Variants in STK24 observed in about 807,000 individuals in gnomAD.
STK24 encodes serine/threonine kinase 24.
A neutral mutation model predicts 55.6 loss-of-function variants in STK24; 21 were observed. The observed-to-expected ratio is 0.38, with a 90% CI of 0.27 to 0.54. The LOEUF is 0.54. Among genes scored for constraint, STK24 ranks in the 20% least tolerant of loss-of-function variants. STK24 has a pLI of 0.79. For missense variants in STK24, 383 were observed against 538.4 expected, an observed-to-expected ratio of 0.71 and a Z score of 2.86; for synonymous variants, 200 against 215.2, an observed-to-expected ratio of 0.93 and a Z score of 0.62.
At chr13:98,555,248 C>T (rs1897257590) in intron 1 of STK24, among the ~76,000 whole-genome samples, 1 of 152,104 alleles carries the variant, frequency 6.6e-6, no homozygotes, top group South Asian at 2.1e-4. Flanking sequence ...CCCTGCCTTC[C>T]AGGCAGCACA....
intron 1 of STK24, among the ~76,000 whole-genome samples, chr13:98,562,574 C>A (rs893565865): frequency 2.0e-5 from 3 of 152,164 alleles, no homozygotes; most frequent in Non-Finnish European, 4.4e-5. Context: ...ATTAAGAAAT[C>A]ATCTATGCAA....
At chr13:98,482,549 C>T (rs1894635618) in intron 2 of STK24, among the ~76,000 whole-genome samples, 1 of 152,176 alleles carries the variant, frequency 6.6e-6, no homozygotes, top group Admixed American at 6.5e-5. Context: ...GGGGCCCGCA[C>T]CTGACTCCCC....
intron 1 of STK24, among the ~76,000 whole-genome samples, chr13:98,565,111 T>C (rs374331707): frequency 2.6e-5 from 4 of 152,320 alleles, no homozygotes. Flanking sequence ...AAGGCTACTG[T>C]GTGCTTCACT....
At chr13:98,468,380 A>C (rs190154156) in intron 5 of STK24, among the ~76,000 whole-genome samples, 1 of 152,358 alleles carries the variant, frequency 6.6e-6, no homozygotes, top group African/African-American at 2.4e-5. Flanking sequence ...ATTATCTTAA[A>C]AATCAGCAGA....
In STK24 at chr13:98,466,542, C is replaced by G; in HGVS notation, c.617G>C (p.Gly206Ala). 2 of 1,613,932 alleles carry G rather than the reference C, an allele frequency of 1.2e-6. No individual in the cohort carries two copies. Among genetic ancestry groups the G allele is most frequent in the Non-Finnish European group, 1.7e-6 (2 of 1,180,026 alleles). The change falls in exon 6 of 11, where the codon GGC becomes GCC. Residue 206 changes from glycine (G) to alanine (A), a missense_variant. Physicochemically the swap from Gly to Ala is moderately conservative, Grantham distance 60. Transcript: ENST00000539966. ...TCTTGCAAGTTCAATAGCTGTTATG[C>G]CCAGGGACCAGATGTCTGCCTGCAA... ...YDSKADIWSL[G>A]ITAIELARGE... is the part of the protein sequence containing the mutation.
intron 2 of STK24, among the ~76,000 whole-genome samples, chr13:98,493,293 A>T (rs545895876): frequency 6.6e-6 from 1 of 152,234 alleles, no homozygotes; most frequent in African/African-American, 2.4e-5. Context: ...CAAACTTGAC[A>T]CATTAAATCT....
intron 1 of STK24, among the ~76,000 whole-genome samples, chr13:98,560,838 GCCACTGCACT>G (rs1166919887): frequency 6.6e-6 from 1 of 150,802 alleles, no homozygotes; most frequent in African/African-American, 2.4e-5. Flanking sequence ...CCGAGATCAC[GCCACTGCACT>G]CCACTCCACT....
At chr13:98,568,677 C>T (rs2139462942) in intron 1 of STK24, among the ~76,000 whole-genome samples, 1 of 152,100 alleles carries the variant, frequency 6.6e-6, no homozygotes, top group Admixed American at 6.5e-5. Flanking sequence ...GACCTGCCTG[C>T]TCCACATGGT....
intron 2 of STK24, among the ~76,000 whole-genome samples, chr13:98,502,327 G>A (rs987688278): frequency 1.3e-5 from 2 of 152,166 alleles, no homozygotes; most frequent in Non-Finnish European, 2.9e-5. Context: ...TAAAAGATGG[G>A]GCAGGAGGAA....
chr13:98,454,888 A>G (rs1463458463), intron 10 of STK24: 1 of 151,068 alleles, frequency 6.6e-6, no homozygotes, highest in African/African-American at 2.5e-5. Context: ...CTCATCACAG[A>G]CAAAGGAAAG....
At chr13:98,489,057 G>A (rs1226071992) in intron 2 of STK24, among the ~76,000 whole-genome samples, 2 of 152,176 alleles carry the variant, frequency 1.3e-5, no homozygotes, top group Admixed American at 6.5e-5. Context: ...CGCAGATGAC[G>A]CATGTGGCCT....
At chr13:98,511,970 A>T (rs1419962771) in intron 2 of STK24, among the ~76,000 whole-genome samples, 1 of 147,406 alleles carries the variant, frequency 6.8e-6, no homozygotes, top group Non-Finnish European at 1.5e-5. Flanking sequence ...GTGTGATCTC[A>T]GCCTCCCAGG....
chr13:98,563,665 T>G (rs1897489884), intron 1 of STK24, among the ~76,000 whole-genome samples: 1 of 152,048 alleles, frequency 6.6e-6, no homozygotes, highest in Non-Finnish European at 1.5e-5. Flanking sequence ...GAGACCATCC[T>G]GGCTAACATG....
chr13:98,482,818 G>A (rs1207386292), intron 2 of STK24, among the ~76,000 whole-genome samples: 1 of 152,174 alleles, frequency 6.6e-6, no homozygotes, highest in Non-Finnish European at 1.5e-5. Flanking sequence ...CCCTGTGAGT[G>A]GAGGGGCCGC....
intron 1 of STK24, among the ~76,000 whole-genome samples, chr13:98,524,681 C>T (rs1250378921): frequency 6.6e-6 from 1 of 152,188 alleles, no homozygotes; most frequent in Non-Finnish European, 1.5e-5. Flanking sequence ...TATACAACAA[C>T]AGATAATAGA....
chr13:98,473,840 T>C (rs1402439339), intron 5 of STK24, among the ~76,000 whole-genome samples: 1 of 152,358 alleles, frequency 6.6e-6, no homozygotes, highest in East Asian at 1.9e-4. Context: ...AGTCTATAGC[T>C]TGCAACGGTG....
At chr13:98,526,707 C>T (rs1330319067) in intron 1 of STK24, among the ~76,000 whole-genome samples, 1 of 152,130 alleles carries the variant, frequency 6.6e-6, no homozygotes, top group African/African-American at 2.4e-5. Flanking sequence ...TTTCAAGAAA[C>T]TTGGGTTGTG....
At chr13:98,463,363 T>A (rs1218611805) in intron 7 of STK24, among the ~76,000 whole-genome samples, 1 of 152,002 alleles carries the variant, frequency 6.6e-6, no homozygotes, top group Non-Finnish European at 1.5e-5. Context: ...TGTAAAGCAG[T>A]TTCACCTGAT....
intron 1 of STK24, chr13:98,542,871 A>T: frequency 1.0e-6 from 1 of 985,418 alleles, no homozygotes; most frequent in Non-Finnish European, 1.2e-6. Context: ...GTCAGTTGAA[A>T]TCTAGACCCC....
Sources: gnomAD v4.1 joint callset for allele counts (sites outside exome capture counted in the v4.1 genomes callset) on GRCh38, gnomAD v4.1.1 for gene constraint, MANE v1.5 for transcripts, NCBI Gene and HGNC (gene_info 2026-07-23, HGNC 2026-07-21) for gene names.